Variants in STAU1 observed in about 807,000 individuals in gnomAD.
The protein encoded by STAU1 is staufen double-stranded RNA binding protein 1, also known as double-stranded RNA-binding protein Staufen homolog 1.
Under a neutral mutation model 62.9 loss-of-function variants are expected in STAU1, and 13 were observed. That is an observed-to-expected ratio of 0.21 (90% CI 0.13 to 0.33). The LOEUF is 0.33. Among genes scored for constraint, STAU1 ranks in the 10% least tolerant of loss-of-function variants. The probability of loss-of-function intolerance (pLI) is 1.00; values close to 1 mark genes in which losing one functional copy is unlikely to be tolerated. For synonymous variants in STAU1, 269 were observed against 265.1 expected (o/e 1.01, Z -0.14); for missense variants, 571 against 712.1 (o/e 0.80, Z 2.25).
chr20:49,157,638 C>A (rs1006703751), intron 3 of STAU1, among the ~76,000 whole-genome samples: 4 of 152,108 alleles, frequency 2.6e-5, no homozygotes, highest in African/African-American at 9.7e-5. Context: ...CACCACCACG[C>A]CCAGCTAATT....
intron 5 of STAU1, among the ~76,000 whole-genome samples, chr20:49,140,856 C>A (rs982799281): frequency 1.3e-5 from 2 of 151,974 alleles, no homozygotes; most frequent in African/African-American, 4.8e-5. Context: ...TATTAAGATA[C>A]CAGAAATCAT....
At chr20:49,206,460 C>T in the STAU1 span, among the ~76,000 whole-genome samples, 506 of 105,362 alleles carry the variant, frequency 4.8e-3, 3 homozygotes, top group African/African-American at 0.018. Flanking sequence ...CTTGCTCTGT[C>T]GCCCAGGCTG....
At chr20:49,162,005 G>A (rs2093455759) in intron 3 of STAU1, among the ~76,000 whole-genome samples, 1 of 152,128 alleles carries the variant, frequency 6.6e-6, no homozygotes, top group Non-Finnish European at 1.5e-5. Context: ...GGAATACAAG[G>A]TCTTCTGAGC....
intron 5 of STAU1, among the ~76,000 whole-genome samples, chr20:49,143,080 A>C (rs1451926876): frequency 6.6e-6 from 1 of 152,020 alleles, no homozygotes; most frequent in Non-Finnish European, 1.5e-5. Context: ...GAATTATAGG[A>C]GTGAGCCACC....
intron 6 of STAU1, among the ~76,000 whole-genome samples, chr20:49,127,075 C>G (rs2092643342): frequency 6.6e-6 from 1 of 152,212 alleles, no homozygotes; most frequent in African/African-American, 2.4e-5. Flanking sequence ...AAACCACTGG[C>G]CGGGCGCGGT....
In STAU1 at chr20:49,123,088, C is replaced by T. The variant is rs2092505209; in HGVS notation, c.966+4G>A. 6.3e-7 allele frequency: 1 copy of T among 1,590,476 alleles called. No homozygotes were observed. Among genetic ancestry groups the T allele is most frequent in the East Asian group, 2.2e-5 (1 of 44,608 alleles). Reference sequence around the variant, plus strand: ...AGGGGCGCCCATCATCCATGCGGACCCACCTGCATCACAAACTCCCTGCGG... The same window carrying T: ...AGGGGCGCCCATCATCCATGCGGACTCACCTGCATCACAAACTCCCTGCGG... On this transcript the variant is annotated splice_donor_region_variant and intron_variant, in intron 8 of 13. Coordinates refer to ENST00000371856, the MANE Select transcript of STAU1 (RefSeq NM_017453.4).
chr20:49,167,885 A>G (rs915907079), intron 2 of STAU1, among the ~76,000 whole-genome samples: 1 of 152,154 alleles, frequency 6.6e-6, no homozygotes, highest in African/African-American at 2.4e-5. Flanking sequence ...AGGTCAAAAA[A>G]TGAGCTAGGA....
Position 49,153,381 on chromosome 20 carries a change from G to A in STAU1, c.344+552C>T, listed in dbSNP as rs372174835. 4.8e-3 allele frequency among the ~76,000 whole-genome samples: 717 copies of A among 148,154 alleles called. 3 individuals are homozygous for A. Among genetic ancestry groups the A allele is most frequent in the African/African-American group, 0.017 (666 of 40,128 alleles). On this transcript the variant is annotated intron_variant, in intron 4 of 13. Transcript: ENST00000371856. ...TTCAAGACCAGTCTGGGCAACATAC[G>A]GAGACCCTGTCTCAATGAATTAAAA...
At chr20:49,172,343 C>T (rs1334130805) in intron 2 of STAU1, among the ~76,000 whole-genome samples, 1 of 152,210 alleles carries the variant, frequency 6.6e-6, no homozygotes, top group Non-Finnish European at 1.5e-5. Flanking sequence ...TTCCGTCTCT[C>T]CTTCTCTAGG....
chr20:49,183,346 C>T (rs2093749163), intron 1 of STAU1, among the ~76,000 whole-genome samples: 1 of 152,164 alleles, frequency 6.6e-6, no homozygotes, highest in Non-Finnish European at 1.5e-5. Context: ...CTGGGTATCA[C>T]ATCAAATAAG....
chr20:49,137,631 T>C (rs2092916707), intron 5 of STAU1, among the ~76,000 whole-genome samples: 1 of 152,122 alleles, frequency 6.6e-6, no homozygotes, highest in Admixed American at 6.6e-5. Flanking sequence ...CTGTTGTGCA[T>C]TTCCTTATGT....
intron 2 of STAU1, among the ~76,000 whole-genome samples, chr20:49,173,875 G>GT (rs964238924): frequency 1.2e-4 from 18 of 152,116 alleles, no homozygotes; most frequent in Admixed American, 2.0e-4. Context: ...AAATCAAAGG[G>GT]TTTTTTTAAA....
chr20:49,124,111 A>AC (rs1417870895), intron 7 of STAU1, among the ~76,000 whole-genome samples: 2 of 151,960 alleles, frequency 1.3e-5, no homozygotes, highest in African/African-American at 4.8e-5. Context: ...CCTGCCCAAT[A>AC]CCCCACTGTG....
chr20:49,213,921 T>A, the STAU1 span, among the ~76,000 whole-genome samples: 1 of 152,132 alleles, frequency 6.6e-6, no homozygotes, highest in East Asian at 1.9e-4. Context: ...ATCAGAAGAT[T>A]TGGGGCCATG....
At chr20:49,127,745 C>T (rs1290896300) in intron 6 of STAU1, among the ~76,000 whole-genome samples, 1 of 151,934 alleles carries the variant, frequency 6.6e-6, no homozygotes, top group Non-Finnish European at 1.5e-5. Context: ...GGCACATTGG[C>T]TCACTCTTGT....
chr20:49,168,229 AGCCACCATGCCTG>A lies in STAU1; in HGVS notation c.-84-1957_-84-1945del, dbSNP rs1249212334. Among the ~76,000 whole-genome samples the A allele has an allele frequency of 2.0e-5, 3 of 151,908 alleles. No individual in the cohort carries two copies. In the East Asian group the frequency reaches 5.8e-4, roughly 29 times the overall value. ...CCAAGTAGCTAGGATTACAGGCATGAGCCACCATGCCTGGCTAGTTTTTGTATTTTTAGCAGAG... is the reference window on the plus strand; with the variant it reads ...CCAAGTAGCTAGGATTACAGGCATGAGCTAGTTTTTGTATTTTTAGCAGAG... On this transcript the variant is annotated intron_variant, in intron 2 of 13. Coordinates refer to ENST00000371856, the MANE Select transcript of STAU1 (RefSeq NM_017453.4).
intron 3 of STAU1, among the ~76,000 whole-genome samples, chr20:49,162,439 G>C (rs534743113): frequency 6.6e-6 from 1 of 152,180 alleles, no homozygotes; most frequent in Non-Finnish European, 1.5e-5. Flanking sequence ...GGGTGGCATG[G>C]AAGATGCCAC....
the STAU1 span, among the ~76,000 whole-genome samples, chr20:49,208,305 A>C: frequency 2.8e-4 from 42 of 151,892 alleles, 1 homozygote; most frequent in Admixed American, 1.8e-3. Flanking sequence ...TGATCTGCCC[A>C]CCTCAGTGAC....
At chr20:49,146,033 C>T (rs1459191310) in intron 5 of STAU1, among the ~76,000 whole-genome samples, 1 of 152,152 alleles carries the variant, frequency 6.6e-6, no homozygotes, top group Non-Finnish European at 1.5e-5. Context: ...TTTGGGAGGC[C>T]GAGGCAGGTG....
Sources: gnomAD v4.1 joint callset for allele counts (sites outside exome capture counted in the v4.1 genomes callset) on GRCh38, gnomAD v4.1.1 for gene constraint, MANE v1.5 for transcripts, NCBI Gene and HGNC (gene_info 2026-07-23, HGNC 2026-07-21) for gene names.